CSRNP2: variants seen among roughly 807,000 people sequenced by gnomAD.
CSRNP2 encodes the protein cysteine/serine-rich nuclear protein 2.
In CSRNP2, 11 loss-of-function variants were observed where a neutral mutation model predicts 36.6. The observed-to-expected ratio is 0.30, with a 90% CI of 0.19 to 0.50. The LOEUF (loss-of-function observed/expected upper bound fraction) is 0.50, where lower values mean the gene tolerates loss of function less well. CSRNP2 is among the 20% of genes least tolerant of loss of function. The pLI, the probability that CSRNP2 is intolerant of heterozygous loss-of-function variation, is 0.98. For missense variants in CSRNP2, 483 were observed against 691.4 expected (o/e 0.70, Z 3.38); for synonymous variants, 248 against 275.3 (o/e 0.90, Z 0.98).
chr12:51,066,569 A>G (rs1938352327), intron 4 of CSRNP2, among the ~76,000 whole-genome samples: 1 of 150,024 alleles, frequency 6.7e-6, no homozygotes, highest in Non-Finnish European at 1.5e-5. Flanking sequence ...TGAACCCAGG[A>G]GGTGGAGGTA....
Position 51,067,923 on chromosome 12 carries a change from G to A in CSRNP2, c.458C>T (p.Thr153Met), listed in dbSNP as rs769805041. ...ATCTTCATCTGACACATCATCCAGCGTCAGGCCATCAGCCTCCACCGACTC... is the reference window on the plus strand; with the variant it reads ...ATCTTCATCTGACACATCATCCAGCATCAGGCCATCAGCCTCCACCGACTC... ...TVESVEADGL[T>M]LDDVSDEDID... The change falls in exon 4 of 5, where the codon ACG (threonine) becomes ATG (methionine). Residue 153 changes from threonine (T) to methionine (M), a missense_variant. Around this residue, in one of 2 missense-constraint regions of CSRNP2, gnomAD observed 206 missense variants for 367.8 expected, o/e 0.56. Coordinates refer to ENST00000228515, the MANE Select transcript of CSRNP2 (RefSeq NM_030809.3). This position sits in a 1 kb window ranked among gnomAD's most constrained non-coding sequence, Gnocchi z 4.1. 11 of 1,613,958 alleles carry A rather than the reference G, an allele frequency of 6.8e-6. No homozygotes were observed. Among genetic ancestry groups the A allele is most frequent in the South Asian group, 1.1e-5 (1 of 91,076 alleles).
At chr12:51,069,512 C>T (rs1041571280) in intron 3 of CSRNP2, among the ~76,000 whole-genome samples, 3 of 149,648 alleles carry the variant, frequency 2.0e-5, no homozygotes, top group Admixed American at 2.0e-4. Context: ...GTCTCGAACT[C>T]CCGACCTCAA....
At chr12:51,078,068 A>C (rs1034860859) in intron 1 of CSRNP2, among the ~76,000 whole-genome samples, 3 of 152,182 alleles carry the variant, frequency 2.0e-5, no homozygotes, top group Non-Finnish European at 4.4e-5. Flanking sequence ...CTATGATCTC[A>C]CTAGTTGCTA....
intron 3 of CSRNP2, among the ~76,000 whole-genome samples, chr12:51,073,164 A>G (rs1274649603): frequency 6.6e-6 from 1 of 152,032 alleles, no homozygotes; most frequent in Non-Finnish European, 1.5e-5. Flanking sequence ...GGCTGCAATG[A>G]GCTGTGATTG....
intron 1 of CSRNP2, chr12:51,082,663 G>A (rs1275990975): frequency 6.6e-6 from 1 of 152,160 alleles, no homozygotes; most frequent in Non-Finnish European, 1.5e-5. Context: ...AGCACTAAAA[G>A]GGACGGGTGG....
intron 1 of CSRNP2, among the ~76,000 whole-genome samples, chr12:51,080,527 G>A (rs1939598778): frequency 6.6e-6 from 1 of 152,156 alleles, no homozygotes; most frequent in Non-Finnish European, 1.5e-5. Flanking sequence ...AAGAAAGAAG[G>A]AAAAAGATGT....
intron 3 of CSRNP2, among the ~76,000 whole-genome samples, chr12:51,071,033 G>C (rs1480687996): frequency 1.1e-4 from 17 of 152,024 alleles, no homozygotes; most frequent in Non-Finnish European, 2.2e-4. Flanking sequence ...AGGCCGAGGC[G>C]GGTGGATCAC....
chr12:51,076,499 T>G lies in CSRNP2; in HGVS notation c.63A>C (p.Ser21=), dbSNP rs1939409430. 6.2e-7 allele frequency: 1 copy of G among 1,613,930 alleles called. No homozygotes were observed. The highest frequency in any genetic ancestry group is 8.5e-7 in the Non-Finnish European group (1 of 1,180,020). ...RKFDDVDVGS[S]VSNSDDEISS... is the part of the protein sequence containing the mutation. ...AGATCTCATCATCTGAGTTGGAAACTGATGAGCCCACATCCACATCATCAA... is the reference window on the plus strand; with the variant it reads ...AGATCTCATCATCTGAGTTGGAAACGGATGAGCCCACATCCACATCATCAA... Residue 21 remains serine, a synonymous_variant, in exon 2 of 5, where the codon TCA becomes TCC. Coordinates refer to ENST00000228515, the MANE Select transcript of CSRNP2 (RefSeq NM_030809.3).
chr12:51,073,658 C>T (rs985987577), intron 3 of CSRNP2, among the ~76,000 whole-genome samples, 165 bp downstream of exon 3: 25 of 149,216 alleles, frequency 1.7e-4, no homozygotes, highest in Non-Finnish European at 3.7e-4. Context: ...CTGGGGAGGC[C>T]GAGGTTGCAG....
chr12:51,063,880 G>A lies in CSRNP2; in HGVS notation c.1498C>T (p.His500Tyr), dbSNP rs1223806410. 1 of 1,613,976 alleles carries A rather than the reference G, an allele frequency of 6.2e-7. No individual in the cohort carries two copies. The highest frequency in any genetic ancestry group is 8.5e-7 in the Non-Finnish European group (1 of 1,180,014). Residue 500 changes from histidine to tyrosine, a missense_variant, in exon 5 of 5, where the codon CAC becomes TAC. Physicochemically the swap from His to Tyr is moderately conservative, Grantham distance 83. Coordinates refer to ENST00000228515, the MANE Select transcript of CSRNP2 (RefSeq NM_030809.3). ...NPEEPENEDF[H>Y]PSWSPSSLPF... ...AGGCTTGAGGGGGACCAGGAAGGGT[G>A]GAAGTCTTCATTTTCAGGCTCCTCA...
At chr12:51,080,270 G>A (rs1265140125) in intron 1 of CSRNP2, among the ~76,000 whole-genome samples, 1 of 152,034 alleles carries the variant, frequency 6.6e-6, no homozygotes, top group Non-Finnish European at 1.5e-5. Context: ...CAGGCTTCTG[G>A]TAGTATCTCC....
rs1436908078 is a variant in CSRNP2 at position 51,067,646 on chromosome 12, T to C, written c.708+27A>G. The C allele has an allele frequency of 3.1e-6, 5 of 1,604,302 alleles. No homozygotes were observed. The highest frequency in any genetic ancestry group is 4.3e-6 in the Non-Finnish European group (5 of 1,174,040). On this transcript the variant is annotated intron_variant, in intron 4 of 4. Coordinates refer to ENST00000228515, the MANE Select transcript of CSRNP2 (RefSeq NM_030809.3). This position sits in a 1 kb window ranked among gnomAD's most constrained non-coding sequence, Gnocchi z 4.1. ...CACCCCGCTGACCCTGGTGTAGATA[T>C]ACTATCTCAGGCCAACTTGGACTGA...
At chr12:51,074,857 G>C (rs539285795) in intron 2 of CSRNP2, among the ~76,000 whole-genome samples, 6 of 152,168 alleles carry the variant, frequency 3.9e-5, no homozygotes, top group African/African-American at 1.4e-4. Flanking sequence ...ATGAGGTCAA[G>C]AGATCAAGAC....
Position 51,073,947 on chromosome 12 carries a change from G to A in CSRNP2, c.287C>T (p.Ala96Val), listed in dbSNP as rs1300547280. ...PSQGGSSLGMAQRHNSVRSYT... is the reference protein window; with the variant it reads ...PSQGGSSLGMVQRHNSVRSYT... ...GCTCCGTACAGAGTTATGGCGCTGG[G>A]CCATGCCCAGAGAGCTACCACCCTG... Residue 96 changes from alanine to valine, a missense_variant, in exon 3 of 5, where the codon GCC becomes GTC. Physicochemically the swap from Ala to Val is moderately conservative, Grantham distance 64. This residue lies in a region of CSRNP2 where 206 missense variants were observed against 367.8 expected (regional missense o/e 0.56). Coordinates refer to ENST00000228515, the MANE Select transcript of CSRNP2 (RefSeq NM_030809.3). The A allele has an allele frequency of 1.2e-6, 2 of 1,614,058 alleles. No homozygotes were observed. Among genetic ancestry groups the A allele is most frequent in the South Asian group, 2.2e-5 (2 of 91,066 alleles).
At position 51,079,073 on chromosome 12, in the gene CSRNP2, T is replaced by C. The variant is rs150842857; in HGVS notation, c.-86-2426A>G. On this transcript the variant is annotated intron_variant, in intron 1 of 4. Transcript: ENST00000228515. ...AAAGGATGAGTTCATGTCCTTTGTA[T>C]GGACATGGATGAAGCTGGAAACCAT... 5.5e-3 allele frequency among the ~76,000 whole-genome samples: 837 copies of C among 152,172 alleles called. 2 individuals are homozygous for C. Among genetic ancestry groups the C allele is most frequent in the East Asian group, 0.037 (190 of 5,174 alleles).
intron 4 of CSRNP2, among the ~76,000 whole-genome samples, chr12:51,065,222 C>T (rs1938033435): frequency 6.6e-6 from 1 of 152,168 alleles, no homozygotes; most frequent in Non-Finnish European, 1.5e-5. Flanking sequence ...AACGCAGGTT[C>T]ACACAGTGGC....
intron 3 of CSRNP2, among the ~76,000 whole-genome samples, chr12:51,068,676 T>A (rs1453059970): frequency 2.0e-5 from 3 of 152,174 alleles, no homozygotes; most frequent in Non-Finnish European, 4.4e-5. Flanking sequence ...ACTTGCCTTC[T>A]AACACAGAGA....
rs912881834 is a variant in CSRNP2, at chr12:51,068,197, G to A, written c.412-228C>T. 3.3e-5 allele frequency among the ~76,000 whole-genome samples: 5 copies of A among 152,174 alleles called. No homozygotes were observed. In the South Asian group the frequency reaches 6.2e-4, roughly 19 times the overall value. Reference sequence around the variant, plus strand: ...TTTGAGACAAAAGTCTCATTCTGTCGTCCAGGCGGGAGTGCAGTGGTGCAG... The same window carrying A: ...TTTGAGACAAAAGTCTCATTCTGTCATCCAGGCGGGAGTGCAGTGGTGCAG... On this transcript the variant is annotated intron_variant, in intron 3 of 4. Coordinates refer to ENST00000228515, the MANE Select transcript of CSRNP2 (RefSeq NM_030809.3).
chr12:51,076,889 A>G (rs562709637), intron 1 of CSRNP2: 39 of 216,416 alleles, frequency 1.8e-4, no homozygotes, highest in African/African-American at 8.0e-4. Flanking sequence ...CCAGTGAAGG[A>G]AAGGCCTTTG....
Sources: allele counts gnomAD v4.1 joint callset (sites outside exome capture counted in the v4.1 genomes callset), GRCh38; gene constraint gnomAD v4.1.1; regional missense constraint gnomAD v4.1.1; non-coding constraint Gnocchi (gnomAD v3.1); transcripts MANE v1.5; gene names NCBI Gene and HGNC (gene_info 2026-07-23, HGNC 2026-07-21).